MYO1E: variants seen among roughly 807,000 people sequenced by gnomAD.
The protein encoded by MYO1E is myosin IE, also known as unconventional myosin-Ie.
In MYO1E, 68 loss-of-function variants were observed where a neutral mutation model predicts 151.1. The ratio of observed to expected loss-of-function variants is 0.45; its 90% CI spans 0.37 to 0.55. The LOEUF (loss-of-function observed/expected upper bound fraction) is 0.55, where lower values mean the gene tolerates loss of function less well. Ranked by LOEUF, MYO1E falls within the 20% of genes least tolerant of loss-of-function variation. MYO1E has a pLI of 0.00. For synonymous variants in MYO1E, 601 were observed against 501.7 expected, an observed-to-expected ratio of 1.20 and a Z score of -2.64; for missense variants, 1,363 against 1,389.3, an observed-to-expected ratio of 0.98 and a Z score of 0.30.
At chr15:59,169,336 G>A (rs1320138350) in intron 22 of MYO1E, among the ~76,000 whole-genome samples, 2 of 152,210 alleles carry the variant, frequency 1.3e-5, no homozygotes, top group Non-Finnish European at 1.5e-5. Flanking sequence ...CAGTACTGAA[G>A]TATTTTGAGA....
At chr15:59,222,952 T>C in intron 9 of MYO1E, 107 bp downstream of exon 9, 1 of 1,528,892 alleles carries the variant, frequency 6.5e-7, no homozygotes, top group South Asian at 1.2e-5. Context: ...GATTTATCAC[T>C]TCTTCCCAAT....
At chr15:59,305,211 C>T (rs1460519777) in intron 1 of MYO1E, among the ~76,000 whole-genome samples, 3 of 152,088 alleles carry the variant, frequency 2.0e-5, no homozygotes, top group Non-Finnish European at 4.4e-5. Context: ...ATTTATCTAT[C>T]GAGATGGGGT....
intron 3 of MYO1E, among the ~76,000 whole-genome samples, chr15:59,260,138 T>C (rs77139860): frequency 0.011 from 1,665 of 152,292 alleles, 34 homozygotes; most frequent in African/African-American, 0.038. Context: ...CTAAAAGGGA[T>C]GTGTATACAG....
intron 4 of MYO1E, among the ~76,000 whole-genome samples, chr15:59,246,717 G>T (rs1205573647): frequency 6.6e-6 from 1 of 152,152 alleles, no homozygotes; most frequent in African/African-American, 2.4e-5. Flanking sequence ...ACCATGAAAA[G>T]AAGGGGAAGA....
intron 1 of MYO1E, among the ~76,000 whole-genome samples, chr15:59,287,080 T>C (rs1182623517): frequency 6.6e-6 from 1 of 151,166 alleles, no homozygotes. Context: ...TGACAGAGGA[T>C]GCAGGGCTAT....
rs116614660 is a variant in MYO1E at position 59,372,217 on chromosome 15, A to C, written c.3+281T>G. ...TGCCCCTCGCAGCCGATGCGCCCAC[A>C]CCCTGGCTTCCGACAGCTGGCAGCC... is the stretch of plus-strand genomic sequence containing the variant. On this transcript the variant is annotated intron_variant, in intron 1 of 27. Coordinates refer to ENST00000288235, the MANE Select transcript of MYO1E (RefSeq NM_004998.4). Among the ~76,000 whole-genome samples, 4,515 of 151,832 alleles carry C rather than the reference A, an allele frequency of 0.03. 147 individuals carry two copies. The highest frequency in any genetic ancestry group is 0.077 in the African/African-American group (3,186 of 41,440).
intron 1 of MYO1E, among the ~76,000 whole-genome samples, chr15:59,284,177 A>G (rs1031216882): frequency 1.3e-5 from 2 of 152,236 alleles, no homozygotes; most frequent in Non-Finnish European, 2.9e-5. Context: ...AGCTGGGTGA[A>G]TAAATTCCAG....
intron 2 of MYO1E, among the ~76,000 whole-genome samples, chr15:59,268,742 G>GTTTTTTTTTTTTTTTTTTTTTTTTTTTTT (rs2080272713): frequency 1.7e-4 from 1 of 6,032 alleles, no homozygotes; most frequent in Non-Finnish European, 9.5e-4. Context: ...TTTTTTTTTT[G>GTTTTTTTTTTTTTTTTTTTTTTTTTTTTT]CTTCACTGCA....
intron 1 of MYO1E, among the ~76,000 whole-genome samples, chr15:59,355,128 A>G (rs1567023304): frequency 6.6e-6 from 1 of 152,192 alleles, no homozygotes; most frequent in Non-Finnish European, 1.5e-5. Context: ...CAGTTGTTCA[A>G]TTCAGCAAAG....
intron 1 of MYO1E, among the ~76,000 whole-genome samples, chr15:59,322,045 G>A (rs1237870978): frequency 6.6e-6 from 1 of 151,348 alleles, no homozygotes; most frequent in Non-Finnish European, 1.5e-5. Context: ...TGTGGTGGCG[G>A]GCACCTGTAA....
intron 18 of MYO1E, among the ~76,000 whole-genome samples, chr15:59,180,546 T>C (rs199950100): frequency 6.5e-4 from 93 of 141,990 alleles, no homozygotes; most frequent in Admixed American, 3.4e-3. Context: ...GCGTTTCTCT[T>C]TTTTTTTTTT....
At chr15:59,320,845 A>G (rs1433911215) in intron 1 of MYO1E, among the ~76,000 whole-genome samples, 1 of 152,236 alleles carries the variant, frequency 6.6e-6, no homozygotes, top group Non-Finnish European at 1.5e-5. Context: ...GAACCTGATT[A>G]AACTAAAGAG....
chr15:59,149,184 T>A (rs2140304279), intron 26 of MYO1E, among the ~76,000 whole-genome samples: 1 of 151,678 alleles, frequency 6.6e-6, no homozygotes, highest in South Asian at 2.1e-4. Flanking sequence ...AGCCTCCTGA[T>A]TAGCTGGGAC....
intron 21 of MYO1E, among the ~76,000 whole-genome samples, chr15:59,172,330 C>T (rs1363476250): frequency 6.6e-6 from 1 of 152,184 alleles, no homozygotes; most frequent in Non-Finnish European, 1.5e-5. Context: ...GCACTCCAGC[C>T]TGGGTGACAG....
intron 1 of MYO1E, among the ~76,000 whole-genome samples, chr15:59,277,568 A>C (rs1274710215): frequency 1.3e-5 from 2 of 151,714 alleles, no homozygotes; most frequent in African/African-American, 4.9e-5. Context: ...AAAAAAAAAA[A>C]AAAAACATCA....
chr15:59,220,962 G>T (rs1388639731), intron 9 of MYO1E, among the ~76,000 whole-genome samples: 4 of 139,918 alleles, frequency 2.9e-5, no homozygotes, highest in Admixed American at 7.2e-5. Context: ...AAGCTCCTTA[G>T]GAATTGATAT....
At chr15:59,220,707 C>T (rs2079949064) in intron 9 of MYO1E, among the ~76,000 whole-genome samples, 1 of 151,750 alleles carries the variant, frequency 6.6e-6, no homozygotes, top group Non-Finnish European at 1.5e-5. Context: ...AGTGTTCATT[C>T]AGTCTTGTAA....
At chr15:59,181,208 C>G (rs1365354646) in intron 18 of MYO1E, among the ~76,000 whole-genome samples, 1 of 152,190 alleles carries the variant, frequency 6.6e-6, no homozygotes, top group Non-Finnish European at 1.5e-5. Flanking sequence ...TGAGGCATCC[C>G]TTTATCATCC....
Position 59,137,274 on chromosome 15 carries a change from G to T in MYO1E, c.*106C>A. 9.6e-7 allele frequency: 1 copy of T among 1,045,976 alleles called. No individual in the cohort carries two copies. The highest frequency in any genetic ancestry group is 1.3e-5 in the South Asian group (1 of 77,262). 64.8% of individuals were successfully genotyped at this position (1,045,976 alleles called of 1,614,324 possible). ...AGGTACCAGAATAGCTCCAGGCCTT[G>T]GAGAAGCAATTGCTCATTGTGGATT... is the stretch of plus-strand genomic sequence containing the variant. On this transcript the variant is annotated 3_prime_UTR_variant, in exon 28 of 28. Transcript: ENST00000288235.
Sources: gnomAD v4.1 joint callset for allele counts (sites outside exome capture counted in the v4.1 genomes callset) on GRCh38, gnomAD v4.1.1 for gene constraint, MANE v1.5 for transcripts, NCBI Gene and HGNC (gene_info 2026-07-23, HGNC 2026-07-21) for gene names.